YES1: variants seen among roughly 807,000 people sequenced by gnomAD.
YES1 encodes YES proto-oncogene 1, Src family tyrosine kinase, also known as tyrosine-protein kinase Yes.
YES1 carries 39 observed loss-of-function variants against 70.4 expected under a neutral mutation model. That is an observed-to-expected ratio of 0.55 (90% CI 0.43 to 0.72). The LOEUF is 0.72. YES1 is among the 30% of genes least tolerant of loss of function. The pLI, the probability that YES1 is intolerant of heterozygous loss-of-function variation, is 0.00. For missense variants in YES1, 495 were observed against 644.8 expected, an observed-to-expected ratio of 0.77 and a Z score of 2.52; for synonymous variants, 198 against 218.6, an observed-to-expected ratio of 0.91 and a Z score of 0.83.
intron 11 of YES1, among the ~76,000 whole-genome samples, chr18:728,037 C>T (rs2080042572): frequency 6.6e-6 from 1 of 152,094 alleles, no homozygotes; most frequent in African/African-American, 2.4e-5. Context: ...CAAGTCTAAA[C>T]ACAAAATACA....
chr18:729,760 G>A lies in YES1; in HGVS notation c.1423+3074C>T, dbSNP rs550719602. 3.2e-3 allele frequency among the ~76,000 whole-genome samples: 491 copies of A among 151,550 alleles called. 4 individuals carry two copies. Among genetic ancestry groups the A allele is most frequent in the Admixed American group, 5.3e-3 (81 of 15,226 alleles). On this transcript the variant is annotated intron_variant, in intron 11 of 11. Coordinates refer to ENST00000314574, the MANE Select transcript of YES1 (RefSeq NM_005433.4). ...TCCTGCCTCAGCCTCCCGAGTAGCTGGGATTACAGGCGCCCGCCACCATGG... is the reference window on the plus strand; with the variant it reads ...TCCTGCCTCAGCCTCCCGAGTAGCTAGGATTACAGGCGCCCGCCACCATGG...
At chr18:787,080 C>CTTTTTTTTTTTT (rs71174290) in intron 1 of YES1, among the ~76,000 whole-genome samples, 3 of 34,754 alleles carry the variant, frequency 8.6e-5, no homozygotes, top group African/African-American at 1.1e-4. Flanking sequence ...TACATACTGT[C>CTTTTTTTTTTTT]TTTTTTTTTT....
intron 11 of YES1, among the ~76,000 whole-genome samples, chr18:725,953 A>C (rs2080013703): frequency 6.6e-6 from 1 of 152,190 alleles, no homozygotes; most frequent in Non-Finnish European, 1.5e-5. Context: ...TGTTGGGTGA[A>C]GGAGAAAAGG....
chr18:757,631 G>A (rs996027462), intron 1 of YES1, among the ~76,000 whole-genome samples: 1 of 151,860 alleles, frequency 6.6e-6, no homozygotes, highest in Admixed American at 6.6e-5. Context: ...GACCAACCTG[G>A]CCAACACAGT....
intron 1 of YES1, among the ~76,000 whole-genome samples, chr18:774,498 A>T (rs572600): frequency 0.99 from 151,095 of 152,280 alleles, 74,966 homozygotes; most frequent in East Asian, 1. Flanking sequence ...ATCTTCCCCA[A>T]CTCGATAAAT....
chr18:785,674 T>A (rs1905900482), intron 1 of YES1, among the ~76,000 whole-genome samples: 1 of 152,010 alleles, frequency 6.6e-6, no homozygotes, highest in Non-Finnish European at 1.5e-5. Flanking sequence ...ATGAGGACTG[T>A]GCCCTCTGAA....
intron 1 of YES1, among the ~76,000 whole-genome samples, chr18:799,710 A>AT (rs1906723997): frequency 6.6e-6 from 1 of 151,662 alleles, no homozygotes; most frequent in Admixed American, 6.6e-5. Flanking sequence ...TTCAAAAAAA[A>AT]TTTTAATTTA....
intron 1 of YES1, among the ~76,000 whole-genome samples, chr18:780,683 C>CT (rs1206874744): frequency 6.6e-6 from 1 of 152,196 alleles, no homozygotes; most frequent in Non-Finnish European, 1.5e-5. Flanking sequence ...CCTGACCATA[C>CT]TGCCCTGTAA....
chr18:767,510 C>A (rs1904967594), intron 1 of YES1, among the ~76,000 whole-genome samples: 1 of 152,090 alleles, frequency 6.6e-6, no homozygotes. Flanking sequence ...GTTGAAAAAC[C>A]TATCCATTTC....
chr18:798,813 T>A (rs1245432608), intron 1 of YES1, among the ~76,000 whole-genome samples: 2 of 152,214 alleles, frequency 1.3e-5, no homozygotes, highest in Admixed American at 6.5e-5. Context: ...GGTTTTCCAA[T>A]GTTTCCTAAA....
intron 1 of YES1, among the ~76,000 whole-genome samples, chr18:792,547 CT>C (rs758303637): frequency 0.11 from 14,153 of 132,896 alleles, 857 homozygotes; most frequent in Admixed American, 0.23. Flanking sequence ...CTCTCTCTCT[CT>C]CTCTCTCCCT....
At chr18:744,689 CTTTTTT>C (rs71174284) in intron 6 of YES1, among the ~76,000 whole-genome samples, 2 of 56,862 alleles carry the variant, frequency 3.5e-5, no homozygotes, top group South Asian at 8.5e-4. Context: ...CACGCCTGGC[CTTTTTT>C]TTTTTTTTTT....
chr18:809,744 A>C (rs925051723), intron 1 of YES1, among the ~76,000 whole-genome samples: 8 of 152,038 alleles, frequency 5.3e-5, no homozygotes, highest in Non-Finnish European at 8.8e-5. Context: ...CCTTATATAG[A>C]CATTACACAC....
intron 11 of YES1, among the ~76,000 whole-genome samples, chr18:727,163 G>A (rs2080030854): frequency 6.6e-6 from 1 of 152,060 alleles, no homozygotes; most frequent in Non-Finnish European, 1.5e-5. Flanking sequence ...TTGAAGCTAT[G>A]TAGTTACATA....
rs536356430 is a variant in YES1, at chr18:745,079, A to G, written c.724+629T>C. ...TAGACTCAGTTTGCAGCTAGCTGTC[A>G]TTGAAGACATTACCATGGAAACATC... On this transcript the variant is annotated intron_variant, in intron 6 of 11. Coordinates refer to ENST00000314574, the MANE Select transcript of YES1 (RefSeq NM_005433.4). 3.9e-5 allele frequency among the ~76,000 whole-genome samples: 6 copies of G among 152,242 alleles called. No individual in the cohort carries two copies. The South Asian group carries it at 8.3e-4, about 21-fold the overall frequency.
chr18:740,069 G>A (rs924733747), intron 8 of YES1, among the ~76,000 whole-genome samples: 6 of 152,122 alleles, frequency 3.9e-5, no homozygotes, highest in African/African-American at 9.6e-5. Flanking sequence ...TTTTTTCCTC[G>A]CTTTGATCAA....
chr18:772,310 T>C (rs1043975107), intron 1 of YES1, among the ~76,000 whole-genome samples: 10 of 152,036 alleles, frequency 6.6e-5, no homozygotes, highest in African/African-American at 2.4e-4. Flanking sequence ...ATTACAGGCA[T>C]GAGCCACCGC....
At chr18:745,564 C>T (rs1393536318) in intron 6 of YES1, 144 bp downstream of exon 6, 1 of 779,870 alleles carries the variant, frequency 1.3e-6, no homozygotes, top group Non-Finnish European at 2.0e-6. Flanking sequence ...ACCTGTTCCT[C>T]CCTTTAGAAT....
intron 9 of YES1, chr18:739,533 T>G (rs766280503): frequency 5.2e-5 from 21 of 401,170 alleles, no homozygotes; most frequent in Non-Finnish European, 2.2e-5. Flanking sequence ...AGCCCAAGAA[T>G]TCAAGGCTCT....
Sources: gnomAD v4.1 joint callset for allele counts (sites outside exome capture counted in the v4.1 genomes callset) on GRCh38, gnomAD v4.1.1 for gene constraint, MANE v1.5 for transcripts, NCBI Gene and HGNC (gene_info 2026-07-23, HGNC 2026-07-21) for gene names.